The following RARB variants were observed in gnomAD, a reference collection of about 807,000 sequenced individuals.
RARB encodes HBV-activated protein.
RARB carries 17 observed loss-of-function variants against 51.9 expected under a neutral mutation model. That is an observed-to-expected ratio of 0.33 (90% confidence interval 0.22 to 0.49). RARB has a LOEUF of 0.49. Among genes scored for constraint, RARB ranks in the 20% least tolerant of loss-of-function variants. The probability of loss-of-function intolerance (pLI) is 0.99; values close to 1 mark genes in which losing one functional copy is unlikely to be tolerated. For synonymous variants in RARB, 215 were observed against 195.4 expected (o/e 1.10, Z -0.84); for missense variants, 369 against 550.8 (o/e 0.67, Z 3.30).
chr3:24,850,086 T>A lies in RARB; in HGVS notation c.-458-8588T>A, dbSNP rs568900516. Among the ~76,000 whole-genome samples, 115 of 152,342 alleles carry A rather than the reference T, an allele frequency of 7.5e-4. 1 individual carries two copies. In the South Asian group the frequency reaches 0.017, roughly 23 times the overall value. Reference sequence around the variant, plus strand: ...TTTGTGTCCTTACCTGGAAGAAGGCTGAAGGGCAAGAGAGAGTGGATCCAC... The same window carrying A: ...TTTGTGTCCTTACCTGGAAGAAGGCAGAAGGGCAAGAGAGAGTGGATCCAC... On this transcript the variant is annotated intron_variant, in intron 1 of 11. Coordinates refer to the RARB transcript ENST00000383772.
At chr3:25,498,356 G>A (rs540577218) in intron 2 of RARB, among the ~76,000 whole-genome samples, 67 of 152,292 alleles carry the variant, frequency 4.4e-4, no homozygotes, top group African/African-American at 1.6e-3. Context: ...TGAAGGAGGA[G>A]GAGAATTTTT....
intron 5 of RARB, among the ~76,000 whole-genome samples, chr3:25,361,138 T>C (rs1705920224): frequency 6.6e-6 from 1 of 152,234 alleles, no homozygotes; most frequent in Non-Finnish European, 1.5e-5. Flanking sequence ...GTTTGGTCTT[T>C]TCACATAGTC....
At chr3:25,430,895 C>T (rs746625449) in intron 1 of RARB, among the ~76,000 whole-genome samples, 8 of 150,922 alleles carry the variant, frequency 5.3e-5, no homozygotes, top group Non-Finnish European at 8.8e-5. Flanking sequence ...ATTGCTTGTG[C>T]CCTTGCAGAG....
chr3:25,214,014 A>G (rs1191379096), intron 5 of RARB, among the ~76,000 whole-genome samples: 1 of 152,196 alleles, frequency 6.6e-6, no homozygotes, highest in Admixed American at 6.5e-5. Flanking sequence ...AGAGATGCCA[A>G]CTCACCAAAG....
rs576458179 is a variant in RARB, at chr3:25,040,466, G to T, written c.-379-19659G>T. Among the ~76,000 whole-genome samples, 118 of 152,242 alleles carry T rather than the reference G, an allele frequency of 7.8e-4. No homozygotes were observed. In the Middle Eastern group the frequency reaches 0.014, roughly 18 times the overall value. ...TTCACAACCAGGCCAGGCACAGTGG[G>T]TTACACCTGTGATCTCAGCACTTTG... is the stretch of plus-strand genomic sequence containing the variant. On this transcript the variant is annotated intron_variant, in intron 2 of 11. Transcript: ENST00000383772.
chr3:24,933,355 T>C lies in RARB; in HGVS notation c.-380+74603T>C, dbSNP rs144780552. ...TAGGAAACATATCTGATGTCTTCTA[T>C]ACTGTTTTTCTAAGCCAATTTAAAA... On this transcript the variant is annotated intron_variant, in intron 2 of 11. Transcript: ENST00000383772. Among the ~76,000 whole-genome samples, 1,257 of 152,230 alleles carry C rather than the reference T, an allele frequency of 8.3e-3. 15 individuals are homozygous for C. The highest frequency in any genetic ancestry group is 0.029 in the African/African-American group (1,210 of 41,550).
intron 3 of RARB, among the ~76,000 whole-genome samples, chr3:25,531,495 A>G (rs1698919110): frequency 6.6e-6 from 1 of 152,096 alleles, no homozygotes; most frequent in Non-Finnish European, 1.5e-5. Flanking sequence ...ATCTCAAATT[A>G]TTAAAGTCTT....
At chr3:25,195,254 T>C (rs1701204023) in intron 5 of RARB, among the ~76,000 whole-genome samples, 1 of 151,958 alleles carries the variant, frequency 6.6e-6, no homozygotes, top group African/African-American at 2.4e-5. Context: ...CAATTCCTCA[T>C]CAACCCAGGC....
At position 25,428,577 on chromosome 3, in the gene RARB, T is replaced by C; in HGVS notation, c.-155T>C. On this transcript the variant is annotated 5_prime_UTR_variant, in exon 1 of 8. Transcript: ENST00000330688. The stretch of plus-strand genomic sequence containing the variant: ...ATTACAGGCTTTTAGCTGGCTTGTC[T>C]GTCATAATTCATGATTCGGGGCTGG... The C allele has an allele frequency of 7.4e-7, 1 of 1,347,770 alleles. No homozygotes were observed. Among genetic ancestry groups the C allele is most frequent in the Non-Finnish European group, 9.6e-7 (1 of 1,044,870 alleles). 83.5% of individuals were successfully genotyped at this position (1,347,770 alleles called of 1,614,324 possible).
chr3:25,230,861 A>G (rs1408977289), intron 5 of RARB, among the ~76,000 whole-genome samples: 1 of 152,108 alleles, frequency 6.6e-6, no homozygotes, highest in Non-Finnish European at 1.5e-5. Context: ...ATGATTGAGA[A>G]ACTATTTTGT....
rs973287593 is a variant in RARB at position 25,167,505 on chromosome 3, G to A, written c.-279-6614G>A. ...GAAAAGGGGATGCAAGGAGATACTA[G>A]CAGTGGAATCTTGGCCAGTCCCAGA... is the stretch of plus-strand genomic sequence containing the variant. On this transcript the variant is annotated intron_variant, in intron 4 of 11. Transcript: ENST00000383772. 6.6e-5 allele frequency among the ~76,000 whole-genome samples: 10 copies of A among 152,304 alleles called. No homozygotes were observed. In the East Asian group the frequency reaches 1.7e-3, roughly 26 times the overall value.
At position 25,373,099 on chromosome 3, in the gene RARB, G is replaced by A. The variant is rs532518594; in HGVS notation, c.179-88094G>A. ...TGCTCTGATTTGGAAGCGTTTGTCT[G>A]TAATATGTATTAGACATCCAAGGGA... On this transcript the variant is annotated intron_variant, in intron 5 of 11. Coordinates refer to the RARB transcript ENST00000383772. Among the ~76,000 whole-genome samples the A allele has an allele frequency of 4.6e-5, 7 of 152,312 alleles. No homozygotes were observed. The South Asian group carries it at 1.4e-3, about 32-fold the overall frequency.
intron 3 of RARB, among the ~76,000 whole-genome samples, chr3:25,113,122 T>C (rs1330218710): frequency 6.6e-6 from 1 of 152,204 alleles, no homozygotes; most frequent in Non-Finnish European, 1.5e-5. Context: ...GATTTTTTTC[T>C]TCATGTTCTC....
At chr3:24,859,639 G>T (rs1364989477) in intron 2 of RARB, among the ~76,000 whole-genome samples, 1 of 152,046 alleles carries the variant, frequency 6.6e-6, no homozygotes, top group Admixed American at 6.6e-5. Flanking sequence ...GGTTTTCCAG[G>T]GTAAAATATG....
In RARB at chr3:25,297,899, G is replaced by A. The variant is rs368926213; in HGVS notation, c.178+123324G>A. Among the ~76,000 whole-genome samples, 39 of 152,256 alleles carry A rather than the reference G, an allele frequency of 2.6e-4. No individual in the cohort carries two copies. In the East Asian group the frequency reaches 4.8e-3, roughly 19 times the overall value. Reference sequence around the variant, plus strand: ...GGCTCAACTGCTTTTAATGCCTGGTGGGGTGAGGAAGAATTGCATTCACTT... The same window carrying A: ...GGCTCAACTGCTTTTAATGCCTGGTAGGGTGAGGAAGAATTGCATTCACTT... On this transcript the variant is annotated intron_variant, in intron 5 of 11. Coordinates refer to the RARB transcript ENST00000383772.
intron 2 of RARB, among the ~76,000 whole-genome samples, chr3:24,991,509 T>C (rs936921362): frequency 1.3e-5 from 2 of 151,982 alleles, no homozygotes; most frequent in African/African-American, 4.8e-5. Context: ...TTTCCAATCT[T>C]ACTCTTTTTA....
intron 2 of RARB, among the ~76,000 whole-genome samples, chr3:25,013,896 A>T (rs1697450391): frequency 6.6e-6 from 1 of 152,098 alleles, no homozygotes; most frequent in Non-Finnish European, 1.5e-5. Context: ...CATAAAAGGG[A>T]ATGTTTTGGT....
chr3:25,405,342 G>T (rs1222057167), intron 5 of RARB, among the ~76,000 whole-genome samples: 2 of 152,148 alleles, frequency 1.3e-5, no homozygotes, highest in Non-Finnish European at 2.9e-5. Flanking sequence ...AACACAGTGA[G>T]ACCCTGTCTC....
chr3:25,463,561 G>T (rs888024632), intron 2 of RARB, among the ~76,000 whole-genome samples: 2 of 151,966 alleles, frequency 1.3e-5, no homozygotes, highest in South Asian at 4.2e-4. Flanking sequence ...TACTTGGGAG[G>T]CTGAGGCAGG....
Sources: allele counts gnomAD v4.1 joint callset (sites outside exome capture counted in the v4.1 genomes callset), GRCh38; gene constraint gnomAD v4.1.1; transcripts MANE v1.5; gene names NCBI Gene and HGNC (gene_info 2026-07-23, HGNC 2026-07-21).